Variants in TAFA2 observed in about 807,000 individuals in gnomAD.
TAFA2 encodes TAFA chemokine like family member 2.
In TAFA2, 7 loss-of-function variants were observed where a neutral mutation model predicts 18.8. The observed-to-expected ratio is 0.37, with a 90% CI of 0.21 to 0.70. The LOEUF is 0.70. Ranked by LOEUF, TAFA2 falls within the 30% of genes least tolerant of loss-of-function variation. The pLI is 0.53. For synonymous variants in TAFA2, 60 were observed against 54.2 expected (o/e 1.11, Z -0.47); for missense variants, 122 against 158.1 (o/e 0.77, Z 1.23).
intron 2 of TAFA2, chr12:61,776,418 A>T (rs1870265535): frequency 6.3e-6 from 1 of 159,484 alleles, no homozygotes; most frequent in African/African-American, 2.4e-5. Context: ...GATGTTAAAA[A>T]AAAAGACCTC....
intron 2 of TAFA2, among the ~76,000 whole-genome samples, chr12:61,844,912 A>G (rs1007404721): frequency 1.3e-5 from 2 of 152,106 alleles, no homozygotes; most frequent in African/African-American, 2.4e-5. Flanking sequence ...ATATATATAT[A>G]TGTGAATATA....
chr12:61,941,793 G>A (rs974549111), intron 1 of TAFA2, among the ~76,000 whole-genome samples: 5 of 152,216 alleles, frequency 3.3e-5, no homozygotes, highest in Admixed American at 6.5e-5. Context: ...ACCTGGCTCG[G>A]AGGGTCCTAT....
At chr12:62,034,173 A>C (rs369250244) in intron 1 of TAFA2, among the ~76,000 whole-genome samples, 2 of 152,106 alleles carry the variant, frequency 1.3e-5, no homozygotes, top group Admixed American at 6.6e-5. Context: ...ATGCCTTTTA[A>C]CTCCAGGAAA....
At chr12:62,008,827 G>C (rs962563525) in intron 1 of TAFA2, among the ~76,000 whole-genome samples, 1 of 152,060 alleles carries the variant, frequency 6.6e-6, no homozygotes, top group African/African-American at 2.4e-5. Flanking sequence ...CAACATTTTA[G>C]GCCCCTTATT....
chr12:62,076,105 A>T (rs928638252), intron 1 of TAFA2, among the ~76,000 whole-genome samples: 6 of 152,148 alleles, frequency 3.9e-5, no homozygotes, highest in Non-Finnish European at 7.4e-5. Context: ...GGTAAATGAA[A>T]CTGATTTAAA....
chr12:61,843,450 T>C (rs1412952584), intron 2 of TAFA2, among the ~76,000 whole-genome samples: 1 of 152,128 alleles, frequency 6.6e-6, no homozygotes, highest in East Asian at 1.9e-4. Context: ...TACTTTGCTT[T>C]GGATAGTCCA....
chr12:61,803,577 A>T (rs1311078516), intron 2 of TAFA2, among the ~76,000 whole-genome samples: 2 of 151,964 alleles, frequency 1.3e-5, no homozygotes, highest in Admixed American at 6.6e-5. Flanking sequence ...CCTTTAGCAT[A>T]TATATTAACA....
intron 4 of TAFA2, among the ~76,000 whole-genome samples, chr12:61,736,525 C>G (rs912701313): frequency 1.3e-5 from 2 of 151,998 alleles, no homozygotes; most frequent in African/African-American, 4.8e-5. Context: ...GCATTGCAAT[C>G]ATGCTTAGAC....
chr12:62,156,386 G>T (rs1037413768), intron 1 of TAFA2, among the ~76,000 whole-genome samples: 7 of 152,130 alleles, frequency 4.6e-5, no homozygotes, highest in Admixed American at 4.6e-4. Flanking sequence ...AAACAGTGTG[G>T]AGATTTCTTA....
chr12:61,868,676 G>A (rs1874461077), intron 1 of TAFA2, among the ~76,000 whole-genome samples: 1 of 151,924 alleles, frequency 6.6e-6, no homozygotes, highest in Non-Finnish European at 1.5e-5. Context: ...ATTTTTTCAT[G>A]TATGACTAAA....
At chr12:62,199,641 T>C (rs2136966894) in intron 1 of TAFA2, among the ~76,000 whole-genome samples, 1 of 152,222 alleles carries the variant, frequency 6.6e-6, no homozygotes, top group African/African-American at 2.4e-5. Context: ...ACATTGTCTT[T>C]ATCGAGTCTA....
chr12:62,182,010 G>A (rs11612171), intron 1 of TAFA2, among the ~76,000 whole-genome samples: 11,108 of 141,654 alleles, frequency 0.078, 550 homozygotes, highest in Middle Eastern at 0.19. Flanking sequence ...GCTACACATA[G>A]TAGCTACTCA....
chr12:62,099,248 G>C (rs1355569701), intron 1 of TAFA2, among the ~76,000 whole-genome samples: 1 of 151,720 alleles, frequency 6.6e-6, no homozygotes, highest in Non-Finnish European at 1.5e-5. Context: ...ATAATGACAA[G>C]AAGCACGTAA....
chr12:61,873,302 T>TTTATTA (rs10669258), intron 1 of TAFA2, among the ~76,000 whole-genome samples: 2,582 of 149,300 alleles, frequency 0.017, 74 homozygotes, highest in African/African-American at 0.059. Flanking sequence ...TTTATTAATT[T>TTTATTA]TTATTATTAT....
At position 62,181,992 on chromosome 12, in the gene TAFA2, C is replaced by CCCT. The variant is rs1052862077; in HGVS notation, c.-2+9266_-2+9267insAGG. ...AGCTTCATCTTTTCTCAAGTCCATC[C>CCCT]CCCCCCCGCTACACATAGTAGCTAC... On this transcript the variant is annotated intron_variant, in intron 1 of 4. Transcript: ENST00000416284. Among the ~76,000 whole-genome samples, 61 of 140,968 alleles carry CCCT rather than the reference C, an allele frequency of 4.3e-4. 1 individual carries two copies. Among genetic ancestry groups the CCCT allele is most frequent in the Middle Eastern group, 3.5e-3 (1 of 282 alleles). The allele number at this position is 140,968 out of a possible 152,430, so 92.5% of individuals were successfully genotyped here. A position where few individuals can be genotyped will look rare whatever the true frequency, so the allele number is the denominator to read the frequency against.
intron 2 of TAFA2, among the ~76,000 whole-genome samples, chr12:61,801,597 C>T (rs943319066): frequency 6.6e-6 from 1 of 151,942 alleles, no homozygotes. Context: ...TCACCACATA[C>T]AAAAATCTAC....
At chr12:62,244,113 T>C (rs1354096205) in intron 1 of TAFA2, among the ~76,000 whole-genome samples, 1 of 151,304 alleles carries the variant, frequency 6.6e-6, no homozygotes, top group African/African-American at 2.4e-5. Context: ...CTATCAGGAA[T>C]GTATTGTATG....
At chr12:62,130,656 A>T (rs1204879640) in intron 1 of TAFA2, among the ~76,000 whole-genome samples, 1 of 151,966 alleles carries the variant, frequency 6.6e-6, no homozygotes, top group Middle Eastern at 3.2e-3. Flanking sequence ...GGACATTCAC[A>T]GCGGTTGACA....
chr12:62,189,746 T>C (rs1438924313), intron 1 of TAFA2, among the ~76,000 whole-genome samples: 1 of 152,228 alleles, frequency 6.6e-6, no homozygotes, highest in Non-Finnish European at 1.5e-5. Flanking sequence ...ATATGCCTAA[T>C]AAAGCAGTTT....
Sources: allele counts gnomAD v4.1 joint callset (sites outside exome capture counted in the v4.1 genomes callset), GRCh38; gene constraint gnomAD v4.1.1; transcripts MANE v1.5; gene names NCBI Gene and HGNC (gene_info 2026-07-23, HGNC 2026-07-21).